Variants in XPR1 observed in about 807,000 individuals in gnomAD.
XPR1 encodes the protein xenotropic and polytropic retrovirus receptor 1, also known as solute carrier family 53 member 1.
Under a neutral mutation model 87.5 loss-of-function variants are expected in XPR1, and 28 were observed. That is an observed-to-expected ratio of 0.32 (90% confidence interval 0.24 to 0.44). The LOEUF is 0.44. Ranked by LOEUF, XPR1 falls within the 20% of genes least tolerant of loss-of-function variation. The pLI, the probability that XPR1 is intolerant of heterozygous loss-of-function variation, is 1.00. For synonymous variants in XPR1, 300 were observed against 306.1 expected (o/e 0.98, Z 0.21); for missense variants, 559 against 862.3 (o/e 0.65, Z 4.41).
intron 2 of XPR1, among the ~76,000 whole-genome samples, chr1:180,695,475 G>A (rs550372083): frequency 9.9e-5 from 15 of 151,630 alleles, no homozygotes; most frequent in African/African-American, 1.9e-4. Context: ...TGTTGCCTGC[G>A]CTTTTGAAGT....
chr1:180,876,771 ACAAT>A (rs144079222), intron 13 of XPR1, among the ~76,000 whole-genome samples: 1,802 of 152,380 alleles, frequency 0.012, 38 homozygotes, highest in African/African-American at 0.04. Flanking sequence ...CTACAAAAAC[ACAAT>A]CAAGAACATA....
At chr1:180,858,195 A>G (rs1272243362) in intron 11 of XPR1, among the ~76,000 whole-genome samples, 1 of 152,214 alleles carries the variant, frequency 6.6e-6, no homozygotes, top group Non-Finnish European at 1.5e-5. Flanking sequence ...AGTGTGGGCA[A>G]CAAGAGTGAA....
At chr1:180,806,366 T>G (rs191538796) in intron 5 of XPR1, 108 bp from the exon 6 acceptor site, 2 of 1,471,770 alleles carry the variant, frequency 1.4e-6, no homozygotes, top group Admixed American at 2.0e-5. Flanking sequence ...TCAGTATATA[T>G]TCACCAAAAA....
chr1:180,872,588 G>C (rs12086949), intron 12 of XPR1, among the ~76,000 whole-genome samples: 3,679 of 105,080 alleles, frequency 0.035, 304 homozygotes, highest in African/African-American at 0.13. Context: ...TTCCAGGTGC[G>C]TCCGTCACCC....
intron 3 of XPR1, among the ~76,000 whole-genome samples, chr1:180,789,380 C>T (rs1157191303): frequency 2.0e-5 from 3 of 152,106 alleles, no homozygotes; most frequent in Non-Finnish European, 2.9e-5. Context: ...CATAGCCATA[C>T]CCATCACCCA....
At chr1:180,692,063 C>T (rs1657012827) in intron 2 of XPR1, among the ~76,000 whole-genome samples, 1 of 152,122 alleles carries the variant, frequency 6.6e-6, no homozygotes, top group Non-Finnish European at 1.5e-5. Flanking sequence ...ATTTACATGA[C>T]TTTTCTGACC....
At chr1:180,798,821 T>C (rs1649681556) in intron 3 of XPR1, among the ~76,000 whole-genome samples, 2 of 151,910 alleles carry the variant, frequency 1.3e-5, no homozygotes, top group African/African-American at 4.8e-5. Flanking sequence ...ACCATGTTGG[T>C]CAGGCTGTTC....
intron 9 of XPR1, among the ~76,000 whole-genome samples, chr1:180,829,294 A>G (rs917636403): frequency 2.0e-5 from 3 of 152,234 alleles, no homozygotes; most frequent in African/African-American, 7.2e-5. Flanking sequence ...TCAGCTATCC[A>G]GAATTGTCTC....
chr1:180,743,381 G>T (rs1658983375), intron 2 of XPR1, among the ~76,000 whole-genome samples: 1 of 151,690 alleles, frequency 6.6e-6, no homozygotes, highest in Admixed American at 6.6e-5. Flanking sequence ...TTACAATTTT[G>T]TATAGAACAT....
chr1:180,818,035 A>G (rs979900489), intron 7 of XPR1, among the ~76,000 whole-genome samples: 2 of 151,700 alleles, frequency 1.3e-5, no homozygotes, highest in Admixed American at 1.3e-4. Flanking sequence ...AATAGCATAT[A>G]TAGCATGCTC....
intron 11 of XPR1, among the ~76,000 whole-genome samples, chr1:180,838,675 G>A (rs1226654802): frequency 3.9e-5 from 6 of 152,012 alleles, no homozygotes; most frequent in Non-Finnish European, 5.9e-5. Flanking sequence ...AAAAGATACC[G>A]TTTCAGTGTA....
At chr1:180,675,703 CA>C (rs1656347261) in intron 1 of XPR1, among the ~76,000 whole-genome samples, 1 of 152,124 alleles carries the variant, frequency 6.6e-6, no homozygotes. Context: ...TTTCCTTAAA[CA>C]GCATGAGTTG....
At position 180,656,333 on chromosome 1, in the gene XPR1, ATAATATTTATATATT is replaced by A. The variant is rs537457720; in HGVS notation, c.69+24078_69+24092del. On this transcript the variant is annotated intron_variant, in intron 1 of 14. Coordinates refer to ENST00000367590, the MANE Select transcript of XPR1 (RefSeq NM_004736.4). ...CATTATATATATAATATTTATATATATAATATTTATATATTTAATATTTATATATATAATATTTAT... is the reference window on the plus strand; with the variant it reads ...CATTATATATATAATATTTATATATATAATATTTATATATATAATATTTAT... Among the ~76,000 whole-genome samples the A allele has an allele frequency of 0.015, 1,772 of 114,466 alleles. 216 individuals carry two copies. In the East Asian group the frequency reaches 0.27, roughly 17 times the overall value. 75.1% of individuals were successfully genotyped at this position (114,466 alleles called of 152,430 possible).
chr1:180,663,329 C>T (rs1471163499), intron 1 of XPR1, among the ~76,000 whole-genome samples: 1 of 152,224 alleles, frequency 6.6e-6, no homozygotes, highest in Non-Finnish European at 1.5e-5. Flanking sequence ...TTAGTGACTG[C>T]ATCTGTTATC....
chr1:180,674,818 A>C (rs999763470), intron 1 of XPR1, among the ~76,000 whole-genome samples: 3 of 152,210 alleles, frequency 2.0e-5, no homozygotes, highest in Non-Finnish European at 4.4e-5. Context: ...GTACTTGTAG[A>C]ATTACATCAC....
In XPR1 at chr1:180,873,894, A is replaced by G. The variant is rs997789280; in HGVS notation, c.1760A>G (p.His587Arg). Residue 587 changes from histidine to arginine, a missense_variant, in exon 13 of 15, where the codon CAT becomes CGT. Around this residue, in one of 7 missense-constraint regions of XPR1, gnomAD observed 264 missense variants for 377.2 expected, o/e 0.70. Transcript: ENST00000367590. ...ISITSTTLLPHSGDIIATVFA... is the reference protein window; with the variant it reads ...ISITSTTLLPRSGDIIATVFA... ...ATTACCTCTACAACTTTGTTGCCTC[A>G]TTCTGGGGACATCATTGCTACTGTC... The G allele has an allele frequency of 6.2e-7, 1 of 1,614,142 alleles. No homozygotes were observed. Among genetic ancestry groups the G allele is most frequent in the East Asian group, 2.2e-5 (1 of 44,876 alleles).
intron 2 of XPR1, among the ~76,000 whole-genome samples, chr1:180,730,015 TGTTTTAG>T (rs1658498632): frequency 6.6e-6 from 1 of 152,142 alleles, no homozygotes; most frequent in Admixed American, 6.5e-5. Context: ...GGGGTTTTAT[TGTTTTAG>T]GTTTTACATA....
chr1:180,808,909 G>A (rs941316018), intron 6 of XPR1, among the ~76,000 whole-genome samples: 1 of 152,130 alleles, frequency 6.6e-6, no homozygotes, highest in African/African-American at 2.4e-5. Context: ...CCTGCCATAT[G>A]GTCTAGCTAT....
chr1:180,761,896 A>G (rs1243212396), intron 2 of XPR1, among the ~76,000 whole-genome samples: 2 of 152,184 alleles, frequency 1.3e-5, no homozygotes, highest in Non-Finnish European at 2.9e-5. Context: ...AATAGACTGG[A>G]TTAAGAAAAT....
Sources: gnomAD v4.1 joint callset for allele counts (sites outside exome capture counted in the v4.1 genomes callset) on GRCh38, gnomAD v4.1.1 for gene constraint, gnomAD v4.1.1 regional missense constraint, MANE v1.5 for transcripts, NCBI Gene and HGNC (gene_info 2026-07-23, HGNC 2026-07-21) for gene names.